The following KDM4B variants were observed in gnomAD, a reference collection of about 807,000 sequenced individuals.
KDM4B encodes the protein lysine demethylase 4B.
A neutral mutation model predicts 125.2 loss-of-function variants in KDM4B; 32 were observed. That is an observed-to-expected ratio of 0.26 (90% CI 0.19 to 0.34). The LOEUF (loss-of-function observed/expected upper bound fraction) is 0.34. Ranked by LOEUF, KDM4B falls within the 10% of genes least tolerant of loss-of-function variation. The pLI is 1.00. For synonymous variants in KDM4B, 721 were observed against 677.9 expected (o/e 1.06, Z -0.99); for missense variants, 1,190 against 1,577.7 (o/e 0.75, Z 4.16).
Position 5,010,888 on chromosome 19 carries a change from C to T in KDM4B, c.-108-5369C>T, listed in dbSNP as rs61681581. 3.9e-3 allele frequency among the ~76,000 whole-genome samples: 600 copies of T among 152,188 alleles called. 7 individuals carry two copies. Among genetic ancestry groups the T allele is most frequent in the African/African-American group, 0.014 (570 of 41,516 alleles). ...GTCTCGAACTCCTGACCGCAAGTGA[C>T]CCACCTGCCTCGGCCTCCCAAAGTG... On this transcript the variant is annotated intron_variant, in intron 1 of 22. Coordinates refer to ENST00000159111, the MANE Select transcript of KDM4B (RefSeq NM_015015.3).
intron 1 of KDM4B, among the ~76,000 whole-genome samples, chr19:4,998,238 C>T (rs781240901): frequency 3.5e-4 from 53 of 152,224 alleles, no homozygotes; most frequent in South Asian, 8.3e-4. Flanking sequence ...GGCTGCACCT[C>T]CCTTTGTGTG....
intron 2 of KDM4B, among the ~76,000 whole-genome samples, chr19:5,017,898 G>A (rs1250580851): frequency 6.6e-6 from 1 of 150,760 alleles, no homozygotes. Context: ...CTGCCACCAC[G>A]CCCGGCTAAT....
intron 10 of KDM4B, chr19:5,119,239 C>A (rs762904686): frequency 6.9e-7 from 1 of 1,456,624 alleles, no homozygotes; most frequent in Non-Finnish European, 9.3e-7. Flanking sequence ...TTTTTCGTTC[C>A]GTTTGTCGTC....
chr19:5,020,382 T>G (rs1251769034), intron 2 of KDM4B, among the ~76,000 whole-genome samples: 1 of 152,022 alleles, frequency 6.6e-6, no homozygotes, highest in Non-Finnish European at 1.5e-5. Context: ...TGCGTTTTTG[T>G]TTCCCTTGGG....
chr19:4,997,000 C>G (rs1158278563), intron 1 of KDM4B, among the ~76,000 whole-genome samples: 1 of 151,828 alleles, frequency 6.6e-6, no homozygotes, highest in East Asian at 1.9e-4. Flanking sequence ...TCCCTGTGGG[C>G]ACAGCTGCAT....
chr19:5,043,035 G>A (rs1006529782), intron 5 of KDM4B, among the ~76,000 whole-genome samples: 5 of 150,100 alleles, frequency 3.3e-5, no homozygotes, highest in African/African-American at 1.2e-4. Flanking sequence ...GTCGTTATCG[G>A]TACTCAGAAC....
In KDM4B at chr19:4,978,180, C is replaced by T. The variant is rs182823700; in HGVS notation, c.-109+8950C>T. Among the ~76,000 whole-genome samples the T allele has an allele frequency of 2.8e-3, 433 of 152,166 alleles. 2 individuals are homozygous for T. The highest frequency in any genetic ancestry group is 9.8e-3 in the African/African-American group (407 of 41,506). On this transcript the variant is annotated intron_variant, in intron 1 of 22. Transcript: ENST00000159111. ...CTTCCCCCAGGAAGGGGGGACGAGG[C>T]GGAGGAAGTCGTTCTCTTGACACCC...
chr19:5,048,596 G>T lies in KDM4B; in HGVS notation c.626+927G>T, dbSNP rs905694352. Among the ~76,000 whole-genome samples, 3 of 148,604 alleles carry T rather than the reference G, an allele frequency of 2.0e-5. No homozygotes were observed. The East Asian group carries it at 5.8e-4, about 29-fold the overall frequency. Reference sequence around the variant, plus strand: ...CCTTCCCTGGGTTGGAGTTGTAAGCGGGGAGAGGGGGGGGCGGGGGAGAAT... The same window carrying T: ...CCTTCCCTGGGTTGGAGTTGTAAGCTGGGAGAGGGGGGGGCGGGGGAGAAT... On this transcript the variant is annotated intron_variant, in intron 6 of 22. Transcript: ENST00000159111.
intron 2 of KDM4B, among the ~76,000 whole-genome samples, chr19:5,017,288 C>T (rs2035922145): frequency 6.6e-6 from 1 of 152,134 alleles, no homozygotes; most frequent in African/African-American, 2.4e-5. Context: ...AGGCTCTGGT[C>T]ACGTGGTTGG....
At chr19:4,987,943 C>T (rs1486811191) in intron 1 of KDM4B, among the ~76,000 whole-genome samples, 1 of 152,156 alleles carries the variant, frequency 6.6e-6, no homozygotes, top group Admixed American at 6.5e-5. Context: ...CTGCTACTCC[C>T]AGGGTGCAGC....
intron 7 of KDM4B, among the ~76,000 whole-genome samples, chr19:5,072,806 G>T (rs1010762245): frequency 8.5e-5 from 13 of 152,156 alleles, no homozygotes; most frequent in Admixed American, 2.0e-4. Flanking sequence ...TGCAGGCAGG[G>T]CCAGTTCCAT....
In KDM4B at chr19:5,112,025, G is replaced by A. The variant is rs1158923209; in HGVS notation, c.1115+1207G>A. The A allele has an allele frequency of 1.8e-5, 10 of 563,158 alleles. 1 individual carries two copies. The highest frequency in any genetic ancestry group is 1.7e-4 in the African/African-American group (9 of 53,180). The allele number at this position is 563,158 out of a possible 1,614,324, so 34.9% of individuals were successfully genotyped here. ...TCTCTGCACTTTGGAGGCCAAGGAA[G>A]GAGGATTGCTTGAGTCCAGGGGTTT... On this transcript the variant is annotated intron_variant, in intron 10 of 22. Coordinates refer to ENST00000159111, the MANE Select transcript of KDM4B (RefSeq NM_015015.3).
chr19:4,993,215 G>A (rs573366162), intron 1 of KDM4B, among the ~76,000 whole-genome samples: 4 of 152,128 alleles, frequency 2.6e-5, no homozygotes, highest in African/African-American at 9.7e-5. Flanking sequence ...TTTGAGACCA[G>A]CCTGGCCAAC....
At chr19:5,017,291 G>C (rs766688529) in intron 2 of KDM4B, among the ~76,000 whole-genome samples, 9 of 152,178 alleles carry the variant, frequency 5.9e-5, no homozygotes, top group Admixed American at 1.3e-4. Context: ...CTCTGGTCAC[G>C]TGGTTGGCAA....
Position 5,110,661 on chromosome 19 carries a change from G to C in KDM4B, c.958G>C (p.Val320Leu). Reference sequence around the variant, plus strand: ...GGACATGGTCAAGATCTCCATGGACGTGTTCGTGCGCATCCTGCAGCCCGA... The same window carrying C: ...GGACATGGTCAAGATCTCCATGGACCTGTTCGTGCGCATCCTGCAGCCCGA... ...RKDMVKISMDVFVRILQPERY... is the reference protein window; with the variant it reads ...RKDMVKISMDLFVRILQPERY... The change falls in exon 10 of 23, where the codon GTG becomes CTG. Residue 320 changes from valine to leucine, a missense_variant. Around this residue, in one of 7 missense-constraint regions of KDM4B, gnomAD observed 75 missense variants for 218.2 expected, o/e 0.34. Coordinates refer to ENST00000159111, the MANE Select transcript of KDM4B (RefSeq NM_015015.3). The C allele has an allele frequency of 6.2e-7, 1 of 1,613,056 alleles. No homozygotes were observed.
At chr19:5,149,265 A>G (rs1036956944) in intron 21 of KDM4B, among the ~76,000 whole-genome samples, 1 of 152,200 alleles carries the variant, frequency 6.6e-6, no homozygotes, top group African/African-American at 2.4e-5. Flanking sequence ...TTACTGTGTG[A>G]CTTTTATACA....
chr19:5,062,036 A>G (rs1289425683), intron 6 of KDM4B, among the ~76,000 whole-genome samples: 3 of 152,146 alleles, frequency 2.0e-5, no homozygotes, highest in Non-Finnish European at 4.4e-5. Flanking sequence ...AGCCTTCCCC[A>G]TGGGGCCTGC....
chr19:5,136,810 G>A (rs991723494), intron 15 of KDM4B, among the ~76,000 whole-genome samples: 8 of 152,198 alleles, frequency 5.3e-5, no homozygotes, highest in African/African-American at 1.9e-4. Flanking sequence ...TCGCTCTGGG[G>A]GCATGATTCG....
intron 14 of KDM4B, among the ~76,000 whole-genome samples, chr19:5,134,789 G>A (rs1478337927): frequency 1.3e-5 from 2 of 152,138 alleles, no homozygotes; most frequent in Non-Finnish European, 2.9e-5. Context: ...CAGGGAGAGT[G>A]CTGTGCCGAG....
Sources: gnomAD v4.1 joint callset for allele counts (sites outside exome capture counted in the v4.1 genomes callset) on GRCh38, gnomAD v4.1.1 for gene constraint, gnomAD v4.1.1 regional missense constraint, MANE v1.5 for transcripts, NCBI Gene and HGNC (gene_info 2026-07-23, HGNC 2026-07-21) for gene names.